Variants in CARNMT1 observed in about 807,000 individuals in gnomAD.
CARNMT1 encodes protein-L-histidine N-pros-methyltransferase CARNMT1.
In CARNMT1, 28 loss-of-function variants were observed where a neutral mutation model predicts 49.6. The ratio of observed to expected loss-of-function variants is 0.56; its 90% CI spans 0.42 to 0.77. CARNMT1 has a LOEUF of 0.77. Ranked by LOEUF, CARNMT1 falls within the 30% of genes least tolerant of loss-of-function variation. CARNMT1 has a pLI of 0.00. For synonymous variants in CARNMT1, 178 were observed against 175.0 expected (o/e 1.02, Z -0.13); for missense variants, 421 against 512.6 (o/e 0.82, Z 1.73).
intron 3 of CARNMT1, among the ~76,000 whole-genome samples, chr9:75,015,434 CTG>C (rs1227128648): frequency 8.5e-5 from 13 of 152,098 alleles, no homozygotes; most frequent in Non-Finnish European, 1.6e-4. Context: ...ATTTTGATAA[CTG>C]TATTTCAAAA....
At chr9:74,993,993 T>G (rs753138380) in intron 6 of CARNMT1, among the ~76,000 whole-genome samples, 1 of 152,188 alleles carries the variant, frequency 6.6e-6, no homozygotes, top group Non-Finnish European at 1.5e-5. Flanking sequence ...ATCCCCAGTG[T>G]GGCTGTATTT....
chr9:75,025,087 T>G (rs1011318388), intron 1 of CARNMT1, among the ~76,000 whole-genome samples: 1 of 152,140 alleles, frequency 6.6e-6, no homozygotes, highest in East Asian at 1.9e-4. Context: ...TGAAATGGGG[T>G]TGGGGGGCAA....
At position 74,983,588 on chromosome 9, in the gene CARNMT1, T is replaced by C; in HGVS notation, c.*179A>G. On this transcript the variant is annotated 3_prime_UTR_variant, in exon 8 of 8. Transcript: ENST00000376834. ...GTACAAATCTGCATGGCATAGTATA[T>C]TTCTGAAAAAGCAATAGACATATTA... The C allele has an allele frequency of 2.1e-6, 1 of 469,646 alleles. No individual in the cohort carries two copies. The highest frequency in any genetic ancestry group is 3.9e-6 in the Non-Finnish European group (1 of 259,612). 29.1% of individuals were successfully genotyped at this position (469,646 alleles called of 1,614,324 possible). A position where few individuals can be genotyped will look rare whatever the true frequency, so the allele number is the denominator to read the frequency against.
At chr9:75,010,330 G>GGCCA (rs1362845410) in intron 3 of CARNMT1, 1 of 151,898 alleles carries the variant, frequency 6.6e-6, no homozygotes, top group Non-Finnish European at 1.5e-5. Flanking sequence ...TCACCATGTT[G>GGCCA]GCCAGGCTGG....
chr9:74,986,060 T>C (rs1195719506), intron 6 of CARNMT1, among the ~76,000 whole-genome samples: 1 of 152,200 alleles, frequency 6.6e-6, no homozygotes, highest in East Asian at 1.9e-4. Context: ...ATCTATCATT[T>C]TGCCCAATCC....
In CARNMT1 at chr9:75,015,191, T is replaced by G. The variant is rs1833810358; in HGVS notation, c.590+1077A>C. On this transcript the variant is annotated intron_variant, in intron 3 of 7. Transcript: ENST00000376834. Reference sequence around the variant, plus strand: ...TACATTTTAATTTCAGAAACTGATTTTTTCCCCTCAATTACGGATGCAGGC... The same window carrying G: ...TACATTTTAATTTCAGAAACTGATTGTTTCCCCTCAATTACGGATGCAGGC... Among the ~76,000 whole-genome samples, 3 of 152,304 alleles carry G rather than the reference T, an allele frequency of 2.0e-5. No individual in the cohort carries two copies. The South Asian group carries it at 6.2e-4, about 32-fold the overall frequency.
At chr9:75,011,831 TC>T (rs1833698819) in intron 3 of CARNMT1, among the ~76,000 whole-genome samples, 1 of 152,150 alleles carries the variant, frequency 6.6e-6, no homozygotes, top group South Asian at 2.1e-4. Context: ...GCTAAGACCC[TC>T]AGTCCTACAG....
At chr9:74,995,310 A>G (rs1833154464) in intron 6 of CARNMT1, among the ~76,000 whole-genome samples, 1 of 152,148 alleles carries the variant, frequency 6.6e-6, no homozygotes, top group Non-Finnish European at 1.5e-5. Flanking sequence ...CTCTTCAACT[A>G]TAACATAGTG....
rs777529618 is a variant in CARNMT1 at position 74,985,006 on chromosome 9, A to G, written c.1029T>C (p.Pro343=). 1.9e-6 allele frequency: 3 copies of G among 1,609,028 alleles called. No individual in the cohort carries two copies. In the Admixed American group the frequency reaches 5.0e-5, roughly 27 times the overall value. ...CCAGATTTTCAAAGTGGTACAGCAG[A>G]GGACCTATGGTTTAAAGATACTATG... ...KPGGIWINLG[P]LLYHFENLAN... Residue 343 remains proline, a synonymous_variant, in exon 7 of 8, where the codon CCT becomes CCC. Coordinates refer to ENST00000376834, the MANE Select transcript of CARNMT1 (RefSeq NM_152420.3).
intron 4 of CARNMT1, among the ~76,000 whole-genome samples, chr9:74,999,019 G>T (rs576191502): frequency 6.6e-6 from 1 of 152,168 alleles, no homozygotes; most frequent in South Asian, 2.1e-4. Context: ...TGTTCATTCA[G>T]ATTTTTAAAA....
At chr9:75,018,073 A>T (rs1379339016) in intron 1 of CARNMT1, among the ~76,000 whole-genome samples, 1 of 152,022 alleles carries the variant, frequency 6.6e-6, no homozygotes, top group Non-Finnish European at 1.5e-5. Context: ...TATTATTATT[A>T]TTTTTGAGAG....
chr9:75,005,633 C>T (rs946564913), intron 3 of CARNMT1, among the ~76,000 whole-genome samples: 10 of 151,738 alleles, frequency 6.6e-5, no homozygotes, highest in African/African-American at 2.2e-4. Flanking sequence ...TCACCACGCC[C>T]GGCTAATTTT....
chr9:75,009,096 G>A (rs1349064906), intron 3 of CARNMT1, among the ~76,000 whole-genome samples: 1 of 146,150 alleles, frequency 6.8e-6, no homozygotes, highest in Non-Finnish European at 1.5e-5. Context: ...AATGTATTGG[G>A]AAAACTGGAT....
chr9:75,015,134 T>C (rs993925631), intron 3 of CARNMT1, among the ~76,000 whole-genome samples: 1 of 152,172 alleles, frequency 6.6e-6, no homozygotes. Flanking sequence ...TGGATAGAAT[T>C]CACTGAGTCT....
At chr9:75,023,565 A>G (rs1822439293) in intron 1 of CARNMT1, among the ~76,000 whole-genome samples, 1 of 152,220 alleles carries the variant, frequency 6.6e-6, no homozygotes, top group African/African-American at 2.4e-5. Flanking sequence ...CTGCCATAAC[A>G]TACATCCACC....
chr9:74,998,714 C>T lies in CARNMT1; in HGVS notation c.794G>A (p.Arg265Lys). ...GATGGGTCGAATCTGATCAGCTGATCTCCGGTTATTGCTAAACTGATGGAT... is the reference window on the plus strand; with the variant it reads ...GATGGGTCGAATCTGATCAGCTGATTTCCGGTTATTGCTAAACTGATGGAT... ...PWIHQFSNNR[R>K]SADQIRPIFF... Residue 265 changes from arginine (R) to lysine (K), a missense_variant, in exon 5 of 8, where the codon AGA becomes AAA. Around this residue, in one of 2 missense-constraint regions of CARNMT1, gnomAD observed 235 missense variants for 344.8 expected, o/e 0.68. Transcript: ENST00000376834. 1 of 1,604,854 alleles carries T rather than the reference C, an allele frequency of 6.2e-7. No homozygotes were observed. The highest frequency in any genetic ancestry group is 8.5e-7 in the Non-Finnish European group (1 of 1,175,174).
chr9:75,008,814 T>C (rs1024042680), intron 3 of CARNMT1, among the ~76,000 whole-genome samples: 11 of 152,060 alleles, frequency 7.2e-5, no homozygotes, highest in African/African-American at 2.4e-4. Context: ...TTCGCAGAAA[T>C]GAAAAAACCT....
At chr9:75,010,257 G>C (rs1001876196) in intron 3 of CARNMT1, 1 of 151,390 alleles carries the variant, frequency 6.6e-6, no homozygotes, top group African/African-American at 2.4e-5. Context: ...CCAAGTAGCT[G>C]GGATTATAGG....
At chr9:75,004,365 A>G (rs1177784682) in intron 3 of CARNMT1, among the ~76,000 whole-genome samples, 1 of 152,154 alleles carries the variant, frequency 6.6e-6, no homozygotes, top group Non-Finnish European at 1.5e-5. Context: ...TCCCTATGAG[A>G]TTGAGTGTCC....
Sources: gnomAD v4.1 joint callset for allele counts (sites outside exome capture counted in the v4.1 genomes callset) on GRCh38, gnomAD v4.1.1 for gene constraint, gnomAD v4.1.1 regional missense constraint, MANE v1.5 for transcripts, NCBI Gene and HGNC (gene_info 2026-07-23, HGNC 2026-07-21) for gene names.